The following CTTNBP2NL variants were observed in gnomAD, a reference collection of about 807,000 sequenced individuals.
The protein encoded by CTTNBP2NL is CTTNBP2 N-terminal-like protein.
In CTTNBP2NL, 16 loss-of-function variants were observed where a neutral mutation model predicts 32.5. The observed-to-expected ratio is 0.49, with a 90% CI of 0.33 to 0.75. CTTNBP2NL has a LOEUF of 0.75. Ranked by LOEUF, CTTNBP2NL falls within the 30% of genes least tolerant of loss-of-function variation. CTTNBP2NL has a pLI of 0.02. For missense variants in CTTNBP2NL, 645 were observed against 756.0 expected, an observed-to-expected ratio of 0.85 and a Z score of 1.72; for synonymous variants, 298 against 289.4, an observed-to-expected ratio of 1.03 and a Z score of -0.30.
intron 3 of CTTNBP2NL, among the ~76,000 whole-genome samples, chr1:112,429,178 T>G (rs140796949): frequency 0.011 from 1,666 of 152,338 alleles, 42 homozygotes; most frequent in African/African-American, 0.038. Context: ...TCTCTTGTAA[T>G]TTAACATATT....
At chr1:112,418,441 ATAATG>A (rs1051952016) in intron 3 of CTTNBP2NL, among the ~76,000 whole-genome samples, 1 of 152,164 alleles carries the variant, frequency 6.6e-6, no homozygotes, top group Non-Finnish European at 1.5e-5. Flanking sequence ...CCAATAGAAA[ATAATG>A]TAACACATTA....
intron 1 of CTTNBP2NL, among the ~76,000 whole-genome samples, chr1:112,403,842 T>C (rs1219738682): frequency 1.3e-5 from 2 of 152,262 alleles, no homozygotes; most frequent in Admixed American, 1.3e-4. Flanking sequence ...CTCTTTCTTT[T>C]TGGTGCAGAT....
At chr1:112,419,952 A>C (rs1453251467) in intron 3 of CTTNBP2NL, among the ~76,000 whole-genome samples, 1 of 152,178 alleles carries the variant, frequency 6.6e-6, no homozygotes, top group Non-Finnish European at 1.5e-5. Flanking sequence ...CATGAACATA[A>C]GCTATAACTG....
chr1:112,411,019 TG>T (rs1356226249), intron 1 of CTTNBP2NL, among the ~76,000 whole-genome samples: 1 of 152,250 alleles, frequency 6.6e-6, no homozygotes, highest in Non-Finnish European at 1.5e-5. Context: ...ACCCTTTTTC[TG>T]AATATCCTTG....
At chr1:112,397,551 G>A (rs1226307255) in intron 1 of CTTNBP2NL, among the ~76,000 whole-genome samples, 1 of 152,126 alleles carries the variant, frequency 6.6e-6, no homozygotes, top group African/African-American at 2.4e-5. Context: ...ATAAAGGCAA[G>A]GTATTCTAGC....
intron 4 of CTTNBP2NL, among the ~76,000 whole-genome samples, chr1:112,453,871 G>A (rs1178743786): frequency 6.6e-6 from 1 of 152,136 alleles, no homozygotes; most frequent in Non-Finnish European, 1.5e-5. Context: ...TCCATTTAAG[G>A]TCTCTATATT....
chr1:112,402,357 G>T (rs1259938941), intron 1 of CTTNBP2NL, among the ~76,000 whole-genome samples: 1 of 152,190 alleles, frequency 6.6e-6, no homozygotes, highest in African/African-American at 2.4e-5. Flanking sequence ...GGCGGAGATT[G>T]TGGTGAGCCA....
chr1:112,412,288 G>A lies in CTTNBP2NL; in HGVS notation c.-39G>A, dbSNP rs2100998744. 6.6e-6 allele frequency: 1 copy of A among 152,178 alleles called. No homozygotes were observed. Among genetic ancestry groups the A allele is most frequent in the Admixed American group, 6.5e-5 (1 of 15,270 alleles). 9.4% of individuals were successfully genotyped at this position (152,178 alleles called of 1,614,324 possible). ...AAGAAAACTGTAAGTTTATACTTGA[G>A]GACTGAAGTGTGACTCTGCCGATTA... is the stretch of plus-strand genomic sequence containing the variant. On this transcript the variant is annotated 5_prime_UTR_variant, in exon 2 of 6. Coordinates refer to ENST00000271277, the MANE Select transcript of CTTNBP2NL (RefSeq NM_018704.3).
At chr1:112,421,897 G>A (rs189271725) in intron 3 of CTTNBP2NL, among the ~76,000 whole-genome samples, 11 of 152,174 alleles carry the variant, frequency 7.2e-5, no homozygotes, top group South Asian at 6.2e-4. Flanking sequence ...AGAAGCCTTC[G>A]TAGCAGATTT....
In CTTNBP2NL at chr1:112,438,971, A is replaced by G. The variant is rs114809831; in HGVS notation, c.100-9971A>G. 7.1e-3 allele frequency among the ~76,000 whole-genome samples: 1,076 copies of G among 152,282 alleles called. 10 individuals carry two copies. The highest frequency in any genetic ancestry group is 0.025 in the African/African-American group (1,030 of 41,550). Reference sequence around the variant, plus strand: ...TGATCCTTCCTTAATTTGAGTCCCAATCTATCTATTTGACTGCTGGTTGAA... The same window carrying G: ...TGATCCTTCCTTAATTTGAGTCCCAGTCTATCTATTTGACTGCTGGTTGAA... On this transcript the variant is annotated intron_variant, in intron 3 of 5. Coordinates refer to ENST00000271277, the MANE Select transcript of CTTNBP2NL (RefSeq NM_018704.3).
chr1:112,409,433 T>C (rs934149194), intron 1 of CTTNBP2NL, among the ~76,000 whole-genome samples: 2 of 152,212 alleles, frequency 1.3e-5, no homozygotes, highest in African/African-American at 4.8e-5. Flanking sequence ...TAGATCTATA[T>C]AGATTTTTTT....
rs1650378053 is a variant in CTTNBP2NL at position 112,456,752 on chromosome 1, C to T, written c.1260C>T (p.Ser420=). The T allele has an allele frequency of 1.2e-6, 2 of 1,614,108 alleles. No homozygotes were observed. The highest frequency in any genetic ancestry group is 2.2e-5 in the East Asian group (1 of 44,846). ...CACTGTCTCCCAGCAGCACTGCCTC[C>T]TCCTCTCTAACATCCTCTCCTTGCT... ...GSSLSPSSTA[S]SSLTSSPCSS... The change falls in exon 6 of 6, where the codon TCC becomes TCT. Residue 420 remains serine (S), a synonymous_variant. Coordinates refer to ENST00000271277, the MANE Select transcript of CTTNBP2NL (RefSeq NM_018704.3).
At chr1:112,396,126 G>A (rs1648315834), upstream of CTTNBP2NL, 1 of 152,310 alleles carries the variant, frequency 6.6e-6, no homozygotes, top group Admixed American at 6.5e-5. Context: ...AGCCGGCGCG[G>A]ATTGGGGCCG....
At chr1:112,391,913 C>A (rs1011240392), upstream of CTTNBP2NL, among the ~76,000 whole-genome samples, 1 of 152,028 alleles carries the variant, frequency 6.6e-6, no homozygotes, top group Non-Finnish European at 1.5e-5. Context: ...ATAGCTTGAG[C>A]CTGGGAGGCA....
In CTTNBP2NL at chr1:112,456,245, A is replaced by G; in HGVS notation, c.753A>G (p.Ala251=). 1 of 1,614,198 alleles carries G rather than the reference A, an allele frequency of 6.2e-7. No individual in the cohort carries two copies. Among genetic ancestry groups the G allele is most frequent in the Non-Finnish European group, 8.5e-7 (1 of 1,180,044 alleles). Residue 251 remains alanine, a synonymous_variant, in exon 6 of 6, where the codon GCA becomes GCG. Coordinates refer to ENST00000271277, the MANE Select transcript of CTTNBP2NL (RefSeq NM_018704.3). ...EFDIEREQLR[A]KLNREENRTK... ...ACATCGAAAGGGAACAACTGAGAGC[A>G]AAACTGAACCGAGAAGAGAACCGGA...
intron 3 of CTTNBP2NL, among the ~76,000 whole-genome samples, chr1:112,447,090 T>C (rs935678131): frequency 1.3e-5 from 2 of 151,840 alleles, no homozygotes; most frequent in Non-Finnish European, 1.5e-5. Flanking sequence ...CTGGCTAACA[T>C]GGTGAAACCC....
At chr1:112,447,003 A>G (rs2065544) in intron 3 of CTTNBP2NL, among the ~76,000 whole-genome samples, 83,926 of 151,918 alleles carry the variant, frequency 0.55, 24,298 homozygotes, top group South Asian at 0.71. Flanking sequence ...AGCCAGGCGC[A>G]GTGGCTCACG....
At position 112,460,240 on chromosome 1, in the gene CTTNBP2NL, G is replaced by T. The variant is rs1163174765; in HGVS notation, c.*2828G>T. The T allele has an allele frequency of 6.6e-6, 1 of 152,172 alleles. No homozygotes were observed. The highest frequency in any genetic ancestry group is 1.5e-5 in the Non-Finnish European group (1 of 68,036). 9.4% of individuals were successfully genotyped at this position (152,172 alleles called of 1,614,324 possible). A position where few individuals can be genotyped will look rare whatever the true frequency, so the allele number is the denominator to read the frequency against. On this transcript the variant is annotated 3_prime_UTR_variant, in exon 6 of 6. Coordinates refer to ENST00000271277, the MANE Select transcript of CTTNBP2NL (RefSeq NM_018704.3). ...AAACAAGTTAAATCTTGCTGTTTGG[G>T]GGGAAATAGTCTTGTTTGTACAAAG...
At chr1:112,433,633 C>A (rs1426313858) in intron 3 of CTTNBP2NL, among the ~76,000 whole-genome samples, 1 of 152,108 alleles carries the variant, frequency 6.6e-6, no homozygotes, top group African/African-American at 2.4e-5. Context: ...TCCCTGTATC[C>A]TCAGTTTCTC....
Sources: gnomAD v4.1 joint callset for allele counts (sites outside exome capture counted in the v4.1 genomes callset) on GRCh38, gnomAD v4.1.1 for gene constraint, MANE v1.5 for transcripts, NCBI Gene and HGNC (gene_info 2026-07-23, HGNC 2026-07-21) for gene names.